The following SPATA6L variants were observed in gnomAD, a reference collection of about 807,000 sequenced individuals.
SPATA6L encodes the protein spermatogenesis associated 6 like, also known as spermatogenesis associated 6-like protein.
A neutral mutation model predicts 49.2 loss-of-function variants in SPATA6L; 68 were observed. That is an observed-to-expected ratio of 1.38 (90% confidence interval 1.14 to 1.69). SPATA6L has a LOEUF of 1.69. Among genes scored for constraint, SPATA6L ranks in the 40% most tolerant of loss-of-function variants. The pLI, the probability that SPATA6L is intolerant of heterozygous loss-of-function variation, is 0.00. For synonymous variants in SPATA6L, 198 were observed against 165.7 expected, an observed-to-expected ratio of 1.19 and a Z score of -1.50; for missense variants, 668 against 464.3, an observed-to-expected ratio of 1.44 and a Z score of -4.03.
At chr9:4,639,527 C>T (rs1380354443) in intron 3 of SPATA6L, among the ~76,000 whole-genome samples, 3 of 152,176 alleles carry the variant, frequency 2.0e-5, no homozygotes, top group Admixed American at 1.3e-4. Flanking sequence ...CTGGTGTGGT[C>T]ATTTTCTAGA....
At chr9:4,645,996 A>T (rs866897155) in intron 3 of SPATA6L, among the ~76,000 whole-genome samples, 1 of 152,228 alleles carries the variant, frequency 6.6e-6, no homozygotes, top group Non-Finnish European at 1.5e-5. Context: ...TTAAATCGCA[A>T]TAAAAAATGT....
chr9:4,653,351 A>C (rs1307408018), intron 3 of SPATA6L, among the ~76,000 whole-genome samples: 1 of 152,202 alleles, frequency 6.6e-6, no homozygotes, highest in Non-Finnish European at 1.5e-5. Flanking sequence ...TGTCTACAAA[A>C]ATCAACACAG....
intron 3 of SPATA6L, among the ~76,000 whole-genome samples, chr9:4,642,226 G>T (rs1834185700): frequency 6.6e-6 from 1 of 152,146 alleles, no homozygotes; most frequent in Middle Eastern, 3.4e-3. Context: ...GACCAAAGTG[G>T]GCATGCTTCT....
intron 3 of SPATA6L, among the ~76,000 whole-genome samples, chr9:4,651,829 C>A (rs1457078221): frequency 6.6e-6 from 1 of 152,026 alleles, no homozygotes; most frequent in East Asian, 1.9e-4. Context: ...TATAAAAAAC[C>A]ATATTTTAAT....
intron 13 of SPATA6L, among the ~76,000 whole-genome samples, chr9:4,589,803 T>A (rs768536110): frequency 8.7e-4 from 132 of 151,910 alleles, no homozygotes; most frequent in Non-Finnish European, 1.7e-3. Flanking sequence ...GGGCCCCCCG[T>A]GGGGCTTTTT....
intron 9 of SPATA6L, among the ~76,000 whole-genome samples, chr9:4,606,731 G>GAGCGCCTCTCCTCCTCCAAAGGAACGC (rs1825289614): frequency 2.1e-5 from 3 of 145,532 alleles, no homozygotes; most frequent in East Asian, 2.0e-4. Flanking sequence ...CTAAAAAGCA[G>GAGCGCCTCTCCTCCTCCAAAGGAACGC]AGCGCCTCTC....
At chr9:4,654,049 T>C (rs1339319351) in intron 3 of SPATA6L, among the ~76,000 whole-genome samples, 1 of 152,188 alleles carries the variant, frequency 6.6e-6, no homozygotes, top group Non-Finnish European at 1.5e-5. Flanking sequence ...CATGAAAATG[T>C]GTTCAATATC....
chr9:4,618,305 A>G (rs1828485562), intron 8 of SPATA6L, among the ~76,000 whole-genome samples, 195 bp from the exon 9 acceptor site: 1 of 152,110 alleles, frequency 6.6e-6, no homozygotes, highest in South Asian at 2.1e-4. Flanking sequence ...CAGACTGATA[A>G]AAATAACCAA....
At chr9:4,652,949 A>G (rs1445435092) in intron 3 of SPATA6L, among the ~76,000 whole-genome samples, 1 of 152,162 alleles carries the variant, frequency 6.6e-6, no homozygotes, top group East Asian at 1.9e-4. Context: ...ATACTCCCCA[A>G]ATTGATCTAC....
chr9:4,614,429 A>T (rs1313219150), intron 9 of SPATA6L, among the ~76,000 whole-genome samples: 1 of 152,154 alleles, frequency 6.6e-6, no homozygotes, highest in Admixed American at 6.5e-5. Context: ...GGACACAGAG[A>T]AAGAGTGGTC....
Position 4,615,225 on chromosome 9 carries a change from T to C in SPATA6L, c.995+2698A>G, listed in dbSNP as rs1291018328. Among the ~76,000 whole-genome samples, 3 of 152,258 alleles carry C rather than the reference T, an allele frequency of 2.0e-5. No homozygotes were observed. In the East Asian group the frequency reaches 5.8e-4, roughly 29 times the overall value. ...TCCAGTAACTTTTGTTCCACACTATTCACAAAGTGCTGCTTTGTAGAAAGC... is the reference window on the plus strand; with the variant it reads ...TCCAGTAACTTTTGTTCCACACTATCCACAAAGTGCTGCTTTGTAGAAAGC... On this transcript the variant is annotated intron_variant, in intron 9 of 11. Transcript: ENST00000682582.
In SPATA6L at chr9:4,639,770, A is replaced by C. The variant is rs1368343150; in HGVS notation, c.227-4371T>G. Among the ~76,000 whole-genome samples the C allele has an allele frequency of 7.2e-5, 11 of 152,356 alleles. No homozygotes were observed. In the East Asian group the frequency reaches 2.1e-3, roughly 29 times the overall value. ...AGGAAACAAATGAGACTTTAAGAGA[A>C]ATAACAATTTTAATAACAACATTGG... On this transcript the variant is annotated intron_variant, in intron 3 of 11. Transcript: ENST00000682582.
Position 4,625,464 on chromosome 9 carries a change from G to C in SPATA6L, c.532C>G (p.Leu178Val). Residue 178 changes from leucine to valine, a missense_variant, in exon 6 of 12, where the codon CTG becomes GTG. Leu to Val is a conservative substitution (Grantham distance 32). Transcript: ENST00000682582. ...MKLKENNLNR[L>V]PKGMQARAPS... ...GCCCGGGCTTGCATGCCTTTGGGCA[G>C]TCTGTTGAGATTATTCTCCTTTAGT... The C allele has an allele frequency of 6.2e-7, 1 of 1,614,048 alleles. No individual in the cohort carries two copies. Among genetic ancestry groups the C allele is most frequent in the Non-Finnish European group, 8.5e-7 (1 of 1,179,962 alleles).
chr9:4,656,488 GGAAGGAAGGAAGGAAGGGA>G (rs1236588113), intron 2 of SPATA6L, among the ~76,000 whole-genome samples: 4 of 140,684 alleles, frequency 2.8e-5, no homozygotes, highest in African/African-American at 1.2e-4. Flanking sequence ...AAGGAAGGAA[GGAAGGAAGGAAGGAAGGGA>G]GGAGCCGTAA....
rs1587562180 is a variant in SPATA6L at position 4,662,294 on chromosome 9, A to G, written c.40-258T>C. On this transcript the variant is annotated intron_variant, in intron 1 of 11. Coordinates refer to ENST00000682582, the MANE Select transcript of SPATA6L (RefSeq NM_001353486.2). This position sits in a 1 kb window ranked among gnomAD's most constrained non-coding sequence, Gnocchi z 4.9. ...CCTCTCCCCGCCCCTCCGGGATGGT[A>G]GTGCGGAAGCGGAAGAGGCTGCAGG... 1 of 1,434,754 alleles carries G rather than the reference A, an allele frequency of 7.0e-7. No homozygotes were observed. The highest frequency in any genetic ancestry group is 9.1e-7 in the Non-Finnish European group (1 of 1,099,540). 88.9% of individuals were successfully genotyped at this position (1,434,754 alleles called of 1,614,324 possible). A position where few individuals can be genotyped will look rare whatever the true frequency, so the allele number is the denominator to read the frequency against.
intron 3 of SPATA6L, among the ~76,000 whole-genome samples, chr9:4,638,129 T>A (rs967183609): frequency 3.3e-5 from 5 of 152,278 alleles, no homozygotes; most frequent in Middle Eastern, 3.4e-3. Context: ...TAATTAAAAA[T>A]TAATTTCCAT....
intron 2 of SPATA6L, among the ~76,000 whole-genome samples, chr9:4,657,887 G>A (rs1287727322): frequency 6.6e-6 from 1 of 151,958 alleles, no homozygotes. Context: ...TGTTTACATT[G>A]GGCTTCAGTT....
At chr9:4,661,825 T>C in intron 2 of SPATA6L, 74 bp downstream of exon 2, 15 of 1,535,552 alleles carry the variant, frequency 9.8e-6, no homozygotes, top group Non-Finnish European at 1.3e-5. Context: ...AATAATGCTG[T>C]AAGAACTCTG....
chr9:4,662,469 G>T lies in SPATA6L; in HGVS notation c.40-433C>A. ...CCCCGGCAGCCCAGCCCATGGCGGC[G>T]GTGGCGGCGGCAGCAGGTTTGAGTT... On this transcript the variant is annotated intron_variant, in intron 1 of 11. Transcript: ENST00000682582. The surrounding 1 kb of genome is among the most constrained non-coding windows in gnomAD (Gnocchi z 4.9). The T allele has an allele frequency of 6.5e-7, 1 of 1,548,864 alleles. No homozygotes were observed. Among genetic ancestry groups the T allele is most frequent in the Admixed American group, 1.9e-5 (1 of 52,604 alleles).
Sources: gnomAD v4.1 joint callset for allele counts (sites outside exome capture counted in the v4.1 genomes callset) on GRCh38, gnomAD v4.1.1 for gene constraint, Gnocchi (gnomAD v3.1) non-coding constraint, MANE v1.5 for transcripts, NCBI Gene and HGNC (gene_info 2026-07-23, HGNC 2026-07-21) for gene names.